Variants in GUCY2F observed in about 807,000 individuals in gnomAD.
GUCY2F encodes guanylate cyclase 2F, retinal.
Under a neutral mutation model 73.1 loss-of-function variants are expected in GUCY2F, and 61 were observed. That is an observed-to-expected ratio of 0.83 (90% CI 0.68 to 1.03). The LOEUF is 1.03. Among genes scored for constraint, GUCY2F ranks in the 50% least tolerant of loss-of-function variants. The pLI is 0.00. For missense variants in GUCY2F, 912 were observed against 854.3 expected (o/e 1.07, Z -0.84); for synonymous variants, 331 against 307.8 (o/e 1.08, Z -0.79).
chrX:109,427,279 C>G (rs960035951), intron 8 of GUCY2F, among the ~76,000 whole-genome samples: 1 of 112,335 alleles, frequency 8.9e-6, no homozygotes, highest in African/African-American at 3.2e-5. Flanking sequence ...AAGAGACACT[C>G]TCTAACAACT....
chrX:109,462,679 T>C (rs1203388986), intron 3 of GUCY2F, among the ~76,000 whole-genome samples: 1 of 112,023 alleles, frequency 8.9e-6, no homozygotes, highest in Admixed American at 9.5e-5. Context: ...TACCTGTTCA[T>C]ATATATGAAC....
At position 109,388,618 on chromosome X, in the gene GUCY2F, T is replaced by G. The variant is rs1401894550; in HGVS notation, c.2827A>C (p.Lys943Gln). The G allele has an allele frequency of 8.3e-7, 1 of 1,201,593 alleles. No individual in the cohort carries two copies. The highest frequency in any genetic ancestry group is 1.1e-6 in the Non-Finnish European group (1 of 886,738). Residue 943 changes from lysine to glutamine, a missense_variant, in exon 15 of 20, where the codon AAG becomes CAG. Coordinates refer to ENST00000218006, the MANE Select transcript of GUCY2F (RefSeq NM_001522.3). Reference sequence around the variant, plus strand: ...GCTGCATGCCTACTGCCATTCCTCTTTGGGAGGCCTGAAGCCACCATGTAG... The same window carrying G: ...GCTGCATGCCTACTGCCATTCCTCTGTGGGAGGCCTGAAGCCACCATGTAG... ...DAYMVASGLP[K>Q]RNGSRHAAEI... is the part of the protein sequence containing the mutation.
At chrX:109,459,350 A>G (rs1226991740) in intron 3 of GUCY2F, among the ~76,000 whole-genome samples, 1 of 111,680 alleles carries the variant, frequency 9.0e-6, no homozygotes. Context: ...TCCTGGAAAG[A>G]GTAATTACAA....
chrX:109,481,577 GT>G (rs1251756413), intron 1 of GUCY2F, among the ~76,000 whole-genome samples: 1 of 111,488 alleles, frequency 9.0e-6, no homozygotes, highest in Non-Finnish European at 1.9e-5. Flanking sequence ...CCTGAATCAA[GT>G]TAACAGCTTG....
At chrX:109,461,439 T>C (rs919994626) in intron 3 of GUCY2F, among the ~76,000 whole-genome samples, 2 of 112,574 alleles carry the variant, frequency 1.8e-5, no homozygotes, top group Non-Finnish European at 3.8e-5. Context: ...AATTAAGAGA[T>C]GTTGCAGACC....
At position 109,398,433 on chromosome X, in the gene GUCY2F, G is replaced by A; in HGVS notation, c.2275+116C>T. ...CACCTGTACATAACTTGAGCTGCTT[G>A]CAGACTATCAGGCTGTTAGCACTAA... On this transcript the variant is annotated intron_variant, in intron 11 of 19. Coordinates refer to ENST00000218006, the MANE Select transcript of GUCY2F (RefSeq NM_001522.3). The A allele has an allele frequency of 7.6e-6, 5 of 655,397 alleles. No homozygotes were observed. In the South Asian group the frequency reaches 1.5e-4, roughly 19 times the overall value. 54.0% of individuals were successfully genotyped at this position (655,397 alleles called of 1,213,427 possible).
chrX:109,460,057 A>T (rs1932332810), intron 3 of GUCY2F, among the ~76,000 whole-genome samples: 1 of 111,904 alleles, frequency 8.9e-6, no homozygotes, highest in Non-Finnish European at 1.9e-5. Context: ...GTTAGAACAC[A>T]AAGATGAGAA....
intron 2 of GUCY2F, among the ~76,000 whole-genome samples, chrX:109,471,715 G>A (rs934921373): frequency 4.4e-5 from 5 of 112,545 alleles, no homozygotes; most frequent in African/African-American, 1.6e-4. Context: ...GAATCTGGGA[G>A]AGGCTGAATC....
At chrX:109,452,292 C>T (rs1932152228) in intron 4 of GUCY2F, among the ~76,000 whole-genome samples, 185 bp from the exon 5 acceptor site, 1 of 111,948 alleles carries the variant, frequency 8.9e-6, no homozygotes, top group Non-Finnish European at 1.9e-5. Flanking sequence ...AAAGCAATTT[C>T]ACTGTTGTGA....
In GUCY2F at chrX:109,380,966, A is replaced by G. The variant is rs766395969; in HGVS notation, c.3150+1152T>C. ...TTTGGACAGTTAGATTCGCTGCCCA[A>G]GTAATATCCCTGTCCCCAACATTTT... On this transcript the variant is annotated intron_variant, in intron 17 of 19. Transcript: ENST00000218006. 6.6e-4 allele frequency among the ~76,000 whole-genome samples: 74 copies of G among 112,047 alleles called. 1 individual carries two copies. Among genetic ancestry groups the G allele is most frequent in the South Asian group, 1.5e-3 (4 of 2,631 alleles).
chrX:109,459,408 G>A (rs1034715976), intron 3 of GUCY2F, among the ~76,000 whole-genome samples: 10 of 111,137 alleles, frequency 9.0e-5, no homozygotes, highest in Non-Finnish European at 1.5e-4. Flanking sequence ...CTAAAAGAGC[G>A]AGGGCTCTTT....
intron 16 of GUCY2F, among the ~76,000 whole-genome samples, chrX:109,384,602 A>C (rs1014713247): frequency 1.8e-5 from 2 of 111,774 alleles, no homozygotes; most frequent in African/African-American, 6.5e-5. Flanking sequence ...TAAGGGTTTT[A>C]TATACAGGGA....
chrX:109,433,454 G>A (rs1319613876), intron 7 of GUCY2F, among the ~76,000 whole-genome samples: 2 of 112,154 alleles, frequency 1.8e-5, no homozygotes, highest in South Asian at 3.7e-4. Flanking sequence ...CTCCTACTTT[G>A]TTGCTCTTTC....
intron 11 of GUCY2F, among the ~76,000 whole-genome samples, 189 bp from the exon 12 acceptor site, chrX:109,395,678 G>A (rs922171947): frequency 1.2e-4 from 13 of 112,045 alleles, no homozygotes; most frequent in Non-Finnish European, 2.3e-4. Context: ...TTAGGCAATG[G>A]GGGAGGAGTG....
intron 19 of GUCY2F, among the ~76,000 whole-genome samples, chrX:109,375,171 TAAAA>T (rs5903336): frequency 4.3e-4 from 41 of 94,441 alleles, no homozygotes; most frequent in Non-Finnish European, 3.6e-4. Context: ...AAGCAAGATT[TAAAA>T]AAAAAAAAAG....
At chrX:109,392,641 A>G (rs887261980) in intron 13 of GUCY2F, among the ~76,000 whole-genome samples, 1 of 105,544 alleles carries the variant, frequency 9.5e-6, no homozygotes, top group African/African-American at 4.0e-5. Flanking sequence ...GACACACAGA[A>G]AAAACAAGCA....
rs374262566 is a variant in GUCY2F, at chrX:109,408,909, A to T, written c.1968+83T>A. 75 of 531,333 alleles carry T rather than the reference A, an allele frequency of 1.4e-4. No homozygotes were observed. The African/African-American group carries it at 1.6e-3, about 11-fold the overall frequency. The allele number at this position is 531,333 out of a possible 1,213,427, so 43.8% of individuals were successfully genotyped here. ...AGTAAGGAGTGAAATGATCACAACA[A>T]TCTGAGGAAAATAAAATATCCCAAA... On this transcript the variant is annotated intron_variant, in intron 9 of 19. Coordinates refer to ENST00000218006, the MANE Select transcript of GUCY2F (RefSeq NM_001522.3).
intron 9 of GUCY2F, among the ~76,000 whole-genome samples, chrX:109,408,608 C>A (rs759057843): frequency 1.8e-5 from 2 of 112,040 alleles, no homozygotes; most frequent in South Asian, 7.6e-4. Context: ...TGGGAGGGAC[C>A]CGGGGGAGGT....
rs751741893 is a variant in GUCY2F, at chrX:109,409,484, G to T, written c.1792-316C>A. On this transcript the variant is annotated intron_variant, in intron 8 of 19. Transcript: ENST00000218006. ...ACAGACCATTGTTGGCTTTGAAGAT[G>T]GGGGAAGGAGGCTATAAGCCAAAGA... is the stretch of plus-strand genomic sequence containing the variant. 3.2e-3 allele frequency among the ~76,000 whole-genome samples: 362 copies of T among 111,703 alleles called. 3 individuals are homozygous for T. The highest frequency in any genetic ancestry group is 5.1e-3 in the Non-Finnish European group (270 of 53,093).
Sources: gnomAD v4.1 joint callset for allele counts (sites outside exome capture counted in the v4.1 genomes callset) on GRCh38, gnomAD v4.1.1 for gene constraint, MANE v1.5 for transcripts, NCBI Gene and HGNC (gene_info 2026-07-23, HGNC 2026-07-21) for gene names.